Variants in BCAS4 observed in about 807,000 individuals in gnomAD.
The protein encoded by BCAS4 is breast carcinoma amplified sequence 4, also known as breast carcinoma-amplified sequence 4.
In BCAS4, 9 loss-of-function variants were observed where a neutral mutation model predicts 15.7. The ratio of observed to expected loss-of-function variants is 0.57; its 90% CI spans 0.34 to 1.00. BCAS4 has a LOEUF of 1.00. BCAS4 is among the 50% of genes least tolerant of loss of function. BCAS4 has a pLI of 0.02. For missense variants in BCAS4, 225 were observed against 239.1 expected, an observed-to-expected ratio of 0.94 and a Z score of 0.39; for synonymous variants, 101 against 99.5, an observed-to-expected ratio of 1.02 and a Z score of -0.09.
At chr20:50,875,608 A>C (rs1277348192) in intron 4 of BCAS4, among the ~76,000 whole-genome samples, 1 of 150,510 alleles carries the variant, frequency 6.6e-6, no homozygotes, top group Non-Finnish European at 1.5e-5. Context: ...CTACTAAAAA[A>C]AAAAAAAAAA....
intron 4 of BCAS4, among the ~76,000 whole-genome samples, chr20:50,859,995 G>T (rs1405521923): frequency 3.9e-5 from 6 of 152,086 alleles, no homozygotes; most frequent in Non-Finnish European, 5.9e-5. Context: ...AATTAGTTGG[G>T]CATAGTAGCA....
chr20:50,797,038 A>G (rs1463340443), intron 1 of BCAS4, among the ~76,000 whole-genome samples: 1 of 151,720 alleles, frequency 6.6e-6, no homozygotes, highest in East Asian at 1.9e-4. Flanking sequence ...AGATCTCACT[A>G]TGTTGCCCAG....
At chr20:50,865,690 G>T (rs1979321089) in intron 4 of BCAS4, among the ~76,000 whole-genome samples, 1 of 152,282 alleles carries the variant, frequency 6.6e-6, no homozygotes, top group South Asian at 2.1e-4. Flanking sequence ...AGCCTCCCAT[G>T]TCCACCAGCT....
At chr20:50,875,219 G>T (rs973361543) in intron 4 of BCAS4, among the ~76,000 whole-genome samples, 1 of 152,242 alleles carries the variant, frequency 6.6e-6, no homozygotes, top group Non-Finnish European at 1.5e-5. Context: ...CGCATGGCCA[G>T]GTTTGACAGC....
At chr20:50,828,748 C>T (rs1268071338) in intron 2 of BCAS4, among the ~76,000 whole-genome samples, 1 of 152,160 alleles carries the variant, frequency 6.6e-6, no homozygotes, top group East Asian at 1.9e-4. Flanking sequence ...CACTGCACTC[C>T]AGCCTGGGCA....
At position 50,876,617 on chromosome 20, in the gene BCAS4, G is replaced by C; in HGVS notation, c.*9G>C. ...GCCCTCGGCCTTTGTGAGCTTTGTG[G>C]TCTTCCCATCAGGAACGCTGGAAAG... On this transcript the variant is annotated 3_prime_UTR_variant, in exon 5 of 5. Transcript: ENST00000371608. 6.2e-7 allele frequency: 1 copy of C among 1,613,668 alleles called. No homozygotes were observed. Among genetic ancestry groups the C allele is most frequent in the Non-Finnish European group, 8.5e-7 (1 of 1,179,838 alleles).
downstream of BCAS4, chr20:50,879,110 G>A (rs1280207228): frequency 2.0e-5 from 3 of 152,318 alleles, no homozygotes; most frequent in Admixed American, 6.5e-5. Context: ...TGTCACTGTT[G>A]CTGTGTCACT....
At chr20:50,863,256 T>TC (rs1979183419) in intron 4 of BCAS4, among the ~76,000 whole-genome samples, 1 of 135,772 alleles carries the variant, frequency 7.4e-6, no homozygotes, top group Non-Finnish European at 1.6e-5. Flanking sequence ...TGCTTTTTTT[T>TC]TTTTTTTTTT....
chr20:50,864,632 A>G (rs532124560), intron 4 of BCAS4, among the ~76,000 whole-genome samples: 159 of 151,326 alleles, frequency 1.1e-3, no homozygotes, highest in African/African-American at 3.6e-3. Flanking sequence ...TAGTAGAGAC[A>G]GGGTTTCGCC....
At chr20:50,833,870 G>A (rs375777369) in intron 3 of BCAS4, among the ~76,000 whole-genome samples, 13 of 152,264 alleles carry the variant, frequency 8.5e-5, no homozygotes, top group South Asian at 6.2e-4. Context: ...TGGGTCAGCC[G>A]CAAGAGCACA....
chr20:50,878,787 T>C (rs1209243365), downstream of BCAS4: 2 of 152,226 alleles, frequency 1.3e-5, no homozygotes, highest in Admixed American at 6.5e-5. Flanking sequence ...CAAACCTTTA[T>C]TGAAGTATAA....
chr20:50,807,693 C>G (rs1009275346), intron 1 of BCAS4, among the ~76,000 whole-genome samples: 79 of 152,246 alleles, frequency 5.2e-4, no homozygotes, highest in African/African-American at 1.9e-3. Flanking sequence ...CCCCAAAGTC[C>G]ATTGTATTAT....
chr20:50,840,805 G>A (rs1272474586), intron 3 of BCAS4: 19 of 1,182,648 alleles, frequency 1.6e-5, no homozygotes, highest in Non-Finnish European at 2.3e-5. Context: ...TCTGGTCTGC[G>A]TAGTGGCCAC....
chr20:50,829,641 A>G (rs2088319758), intron 2 of BCAS4, among the ~76,000 whole-genome samples: 1 of 152,100 alleles, frequency 6.6e-6, no homozygotes. Flanking sequence ...TCACACACAC[A>G]GAAGAGTTAG....
chr20:50,821,043 C>T (rs1223819736), intron 2 of BCAS4, among the ~76,000 whole-genome samples: 2 of 152,194 alleles, frequency 1.3e-5, no homozygotes, highest in Non-Finnish European at 2.9e-5. Context: ...CGCCATGTCA[C>T]GTGGCAAGCA....
intron 1 of BCAS4, among the ~76,000 whole-genome samples, chr20:50,795,713 T>C (rs971692569): frequency 6.6e-6 from 1 of 152,248 alleles, no homozygotes; most frequent in Non-Finnish European, 1.5e-5. Flanking sequence ...TTTGTCTGAG[T>C]TCACTAGGAG....
chr20:50,864,520 C>A (rs1487800510), intron 4 of BCAS4, among the ~76,000 whole-genome samples: 1 of 150,404 alleles, frequency 6.6e-6, no homozygotes, highest in Non-Finnish European at 1.5e-5. Context: ...CTCACTCTAA[C>A]CTCCACCTCC....
chr20:50,879,705 A>T (rs1302015400), downstream of BCAS4: 1 of 152,202 alleles, frequency 6.6e-6, no homozygotes, highest in Non-Finnish European at 1.5e-5. Flanking sequence ...AGCAACGTTG[A>T]GTGTCCTAAA....
At chr20:50,867,449 C>T (rs1305863757) in intron 4 of BCAS4, among the ~76,000 whole-genome samples, 2 of 152,158 alleles carry the variant, frequency 1.3e-5, no homozygotes, top group Non-Finnish European at 2.9e-5. Context: ...AGAGCTCAAG[C>T]AATCCTCCCA....
Sources: allele counts gnomAD v4.1 joint callset (sites outside exome capture counted in the v4.1 genomes callset), GRCh38; gene constraint gnomAD v4.1.1; transcripts MANE v1.5; gene names NCBI Gene and HGNC (gene_info 2026-07-23, HGNC 2026-07-21).